The following C2orf81 variants were observed in gnomAD, a reference collection of about 807,000 sequenced individuals.
C2orf81 encodes the protein chromosome 2 open reading frame 81.
In C2orf81, 5 loss-of-function variants were observed where a neutral mutation model predicts 7.9. The observed-to-expected ratio is 0.63, with a 90% CI of 0.33 to 1.33. The LOEUF is 1.33. Among genes scored for constraint, C2orf81 ranks in the 40% most tolerant of loss-of-function variants. The pLI is 0.05. For synonymous variants in C2orf81, 346 were observed against 367.4 expected (o/e 0.94, Z 0.66); for missense variants, 781 against 830.4 (o/e 0.94, Z 0.73).
In C2orf81 at chr2:74,415,600, G is replaced by C. The variant is rs759254846; in HGVS notation, c.577C>G (p.Arg193Gly). The change falls in exon 3 of 3, where the codon CGG (arginine) becomes GGG (glycine). Residue 193 changes from arginine (R) to glycine (G), a missense_variant. Transcript: ENST00000684111. This position sits in a 1 kb window ranked among gnomAD's most constrained non-coding sequence, Gnocchi z 5.5. ...ATCCACGACCTTCCTAAAGGGATCCGGTCCACGCCCCCAGGGTCCTGGGGA... is the reference window on the plus strand; with the variant it reads ...ATCCACGACCTTCCTAAAGGGATCCCGTCCACGCCCCCAGGGTCCTGGGGA... ...AFPQDPGGVD[R>G]IPLGRSWMGR... 3.1e-5 allele frequency: 48 copies of C among 1,551,078 alleles called. No individual in the cohort carries two copies. The highest frequency in any genetic ancestry group is 4.1e-5 in the Non-Finnish European group (47 of 1,147,004).
chr2:74,415,803 T>A lies in C2orf81; in HGVS notation c.374A>T (p.Glu125Val), dbSNP rs2103831363. 1 of 1,551,608 alleles carries A rather than the reference T, an allele frequency of 6.4e-7. No individual in the cohort carries two copies. The highest frequency in any genetic ancestry group is 2.0e-5 in the Admixed American group (1 of 51,010). ...AEDPTWGEDE[E>V]PSACTTDSWA... ...GGAGTCCGTCGTGCATGCCGAAGGC[T>A]CCTCGTCCTCACCCCATGTGGGGTC... Residue 125 changes from glutamate to valine, a missense_variant, in exon 3 of 3, where the codon GAG becomes GTG. Glu to Val is a moderately radical substitution (Grantham distance 121). Transcript: ENST00000684111. This position sits in a 1 kb window ranked among gnomAD's most constrained non-coding sequence, Gnocchi z 5.5.
In C2orf81 at chr2:74,415,381, C is replaced by T; in HGVS notation, c.796G>A (p.Glu266Lys). The T allele has an allele frequency of 4.6e-6, 7 of 1,518,346 alleles. No individual in the cohort carries two copies. The highest frequency in any genetic ancestry group is 6.2e-6 in the Non-Finnish European group (7 of 1,127,146). The allele number at this position is 1,518,346 out of a possible 1,614,324, so 94.1% of individuals were successfully genotyped here. A position where few individuals can be genotyped will look rare whatever the true frequency, so the allele number is the denominator to read the frequency against. Residue 266 changes from glutamate to lysine, a missense_variant, in exon 3 of 3, where the codon GAG (glutamate) becomes AAG (lysine). By Grantham distance (56) the Glu-to-Lys change is moderately conservative. Transcript: ENST00000684111. This position sits in a 1 kb window ranked among gnomAD's most constrained non-coding sequence, Gnocchi z 5.5. ...LSASFQLSVEEAPADDADPSL... is the reference protein window; with the variant it reads ...LSASFQLSVEKAPADDADPSL... Reference sequence around the variant, plus strand: ...GGGTCGGCATCGTCGGCAGGCGCCTCCTCCACCGACAGTTGGAAGCTCGCG... The same window carrying T: ...GGGTCGGCATCGTCGGCAGGCGCCTTCTCCACCGACAGTTGGAAGCTCGCG...
Position 74,415,182 on chromosome 2 carries a change from A to G in C2orf81, c.995T>C (p.Leu332Ser). Residue 332 changes from leucine (L) to serine (S), a missense_variant, in exon 3 of 3, where the codon TTG (leucine) becomes TCG (serine). Transcript: ENST00000684111. The surrounding 1 kb of genome is among the most constrained non-coding windows in gnomAD (Gnocchi z 5.5). The stretch of plus-strand genomic sequence containing the variant: ...GCCGCCCACAGAGGGGTAGGACACC[A>G]ACACGCCCGAGGCGATGCAGGGCAC... Reference protein sequence around the residue: ...EGVPCIASGVLVSYPSVGGAT... With the variant: ...EGVPCIASGVSVSYPSVGGAT... 6.7e-7 allele frequency: 1 copy of G among 1,498,360 alleles called. No individual in the cohort carries two copies. Among genetic ancestry groups the G allele is most frequent in the South Asian group, 1.2e-5 (1 of 81,612 alleles). The allele number at this position is 1,498,360 out of a possible 1,614,324, so 92.8% of individuals were successfully genotyped here.
rs1364770301 is a variant in C2orf81 at position 74,415,065 on chromosome 2, G to A, written c.1112C>T (p.Ala371Val). 1.3e-6 allele frequency: 2 copies of A among 1,548,044 alleles called. No homozygotes were observed. The highest frequency in any genetic ancestry group is 2.5e-5 in the East Asian group (1 of 40,778). ...CGCAGGGTCCAGGCGTTTCACGGCC[G>A]CCTTGCGGCGCATCCTGTGGTGGTG... is the stretch of plus-strand genomic sequence containing the variant. ...SAHHHRMRRKAAVKRLDPARL... is the reference protein window; with the variant it reads ...SAHHHRMRRKVAVKRLDPARL... Residue 371 changes from alanine to valine, a missense_variant, in exon 3 of 3, where the codon GCG becomes GTG. Physicochemically the swap from Ala to Val is moderately conservative, Grantham distance 64. Coordinates refer to ENST00000684111, the MANE Select transcript of C2orf81 (RefSeq NM_001316764.3). This position sits in a 1 kb window ranked among gnomAD's most constrained non-coding sequence, Gnocchi z 5.5.
chr2:74,418,462 A>G (rs1676525028), intron 1 of C2orf81: 2 of 1,427,226 alleles, frequency 1.4e-6, no homozygotes, highest in East Asian at 4.6e-5. Context: ...TCTAAGGACT[A>G]GTTGGAAAAG....
At chr2:74,421,472 C>T in intron 1 of C2orf81, 71 bp downstream of exon 1, 1 of 333,930 alleles carries the variant, frequency 3.0e-6, no homozygotes, top group Non-Finnish European at 5.5e-6. Context: ...CAGAGCCAGC[C>T]CACTGTTCCC....
intron 1 of C2orf81, chr2:74,417,404 T>C (rs1371684944): frequency 1.5e-6 from 2 of 1,309,378 alleles, no homozygotes; most frequent in Non-Finnish European, 2.0e-6. Flanking sequence ...TGACTGCATC[T>C]CCATCACTGC....
At chr2:74,419,500 T>C (rs534418602) in intron 1 of C2orf81, among the ~76,000 whole-genome samples, 4 of 152,244 alleles carry the variant, frequency 2.6e-5, no homozygotes, top group Admixed American at 2.6e-4. Context: ...ATACTCAGCA[T>C]TGGCAAAGGT....
In C2orf81 at chr2:74,415,531, G is replaced by C. The variant is rs1431350082; in HGVS notation, c.646C>G (p.Pro216Ala). 16 of 1,547,766 alleles carry C rather than the reference G, an allele frequency of 1.0e-5. No homozygotes were observed. The highest frequency in any genetic ancestry group is 2.0e-5 in the Admixed American group (1 of 50,952). The change falls in exon 3 of 3, where the codon CCG (proline) becomes GCG (alanine). Residue 216 changes from proline to alanine, a missense_variant. Transcript: ENST00000684111. The surrounding 1 kb of genome is among the most constrained non-coding windows in gnomAD (Gnocchi z 5.5). The part of the protein sequence containing the change: ...QEQMESWEPS[P>A]QLRVTSAPPP... The stretch of plus-strand genomic sequence containing the variant: ...GGGGCCGACGTGACTCTCAGCTGCG[G>C]AGAAGGCTCCCAAGATTCCATCTGC...
chr2:74,421,437 G>C (rs1374411702), intron 1 of C2orf81, 106 bp downstream of exon 1: 1 of 276,890 alleles, frequency 3.6e-6, no homozygotes, highest in Non-Finnish European at 6.8e-6. Flanking sequence ...CGGTGGGCGG[G>C]AGCAAGTAGG....
chr2:74,416,101 G>A lies in C2orf81; in HGVS notation c.159C>T (p.Leu53=). The change falls in exon 2 of 3, where the codon CTC becomes CTT. Residue 53 remains leucine (L), a synonymous_variant. Coordinates refer to ENST00000684111, the MANE Select transcript of C2orf81 (RefSeq NM_001316764.3). ...SEAEWMALTA[L]EEGEDVVGDI... ...CCCCTACGACGTCCTCGCCCTCCTCGAGGGCTGTAAGCGCCATCCACTCGG... is the reference window on the plus strand; with the variant it reads ...CCCCTACGACGTCCTCGCCCTCCTCAAGGGCTGTAAGCGCCATCCACTCGG... The A allele has an allele frequency of 5.2e-6, 8 of 1,542,010 alleles. No individual in the cohort carries two copies. The highest frequency in any genetic ancestry group is 7.0e-6 in the Non-Finnish European group (8 of 1,141,626).
intron 1 of C2orf81, chr2:74,417,695 C>A (rs1276397281): frequency 1.7e-6 from 1 of 592,634 alleles, no homozygotes; most frequent in South Asian, 1.8e-5. Flanking sequence ...GCTTGGGCCC[C>A]TTTTAAGACC....
At chr2:74,418,428 GCTCGACTCGCT>G (rs765218663) in intron 1 of C2orf81, 2 of 1,563,976 alleles carry the variant, frequency 1.3e-6, no homozygotes, top group Admixed American at 3.3e-5. Flanking sequence ...TGGACTTCGA[GCTCGACTCGCT>G]CATCTTCCCT....
intron 1 of C2orf81, among the ~76,000 whole-genome samples, chr2:74,419,657 G>A (rs1292034207): frequency 6.6e-6 from 1 of 152,142 alleles, no homozygotes; most frequent in African/African-American, 2.4e-5. Flanking sequence ...CAAATTCTCT[G>A]CGGTATTTTT....
At chr2:74,418,473 T>C in intron 1 of C2orf81, 3 of 1,381,694 alleles carry the variant, frequency 2.2e-6, no homozygotes, top group South Asian at 1.2e-5. Flanking sequence ...GTTGGAAAAG[T>C]GATGGCTGGG....
At chr2:74,419,627 G>A (rs778198347) in intron 1 of C2orf81, among the ~76,000 whole-genome samples, 15 of 152,112 alleles carry the variant, frequency 9.9e-5, no homozygotes, top group Non-Finnish European at 1.6e-4. Flanking sequence ...CTGAAATGAA[G>A]ATAAAAATAT....
In C2orf81 at chr2:74,418,845, T is replaced by C. The variant is rs375339136; in HGVS notation, c.19-2604A>G. Among the ~76,000 whole-genome samples the C allele has an allele frequency of 3.3e-5, 5 of 150,476 alleles. No homozygotes were observed. In the East Asian group the frequency reaches 5.8e-4, roughly 18 times the overall value. On this transcript the variant is annotated intron_variant, in intron 1 of 2. Transcript: ENST00000684111. The stretch of plus-strand genomic sequence containing the variant: ...CTCTCAAAGACATTTGCAACAAATA[T>C]GAAAAAAGATAAATATCCCCGAGTA...
Position 74,415,186 on chromosome 2 carries a change from C to G in C2orf81, c.991G>C (p.Val331Leu). The change falls in exon 3 of 3, where the codon GTG becomes CTG. Residue 331 changes from valine (V) to leucine (L), a missense_variant. By Grantham distance (32) the Val-to-Leu change is conservative. Coordinates refer to ENST00000684111, the MANE Select transcript of C2orf81 (RefSeq NM_001316764.3). The surrounding 1 kb of genome is among the most constrained non-coding windows in gnomAD (Gnocchi z 5.5). ...SEGVPCIASG[V>L]LVSYPSVGGA... ...CCCACAGAGGGGTAGGACACCAACACGCCCGAGGCGATGCAGGGCACCCCC... is the reference window on the plus strand; with the variant it reads ...CCCACAGAGGGGTAGGACACCAACAGGCCCGAGGCGATGCAGGGCACCCCC... 6.5e-7 allele frequency: 1 copy of G among 1,547,302 alleles called. No homozygotes were observed.
chr2:74,415,165 C>T lies in C2orf81; in HGVS notation c.1012G>A (p.Val338Met). The T allele has an allele frequency of 1.3e-6, 2 of 1,538,070 alleles. No homozygotes were observed. Among genetic ancestry groups the T allele is most frequent in the Non-Finnish European group, 1.8e-6 (2 of 1,140,564 alleles). Residue 338 changes from valine (V) to methionine (M), a missense_variant, in exon 3 of 3, where the codon GTG becomes ATG. By Grantham distance (21) the Val-to-Met change is conservative (BLOSUM62 1). Transcript: ENST00000684111. This position sits in a 1 kb window ranked among gnomAD's most constrained non-coding sequence, Gnocchi z 5.5. Reference protein sequence around the residue: ...ASGVLVSYPSVGGATRPSASC... With the variant: ...ASGVLVSYPSMGGATRPSASC... ...GCGGAGGGGCGGGTGGCGCCGCCCA[C>T]AGAGGGGTAGGACACCAACACGCCC...
Sources: gnomAD v4.1 joint callset for allele counts (sites outside exome capture counted in the v4.1 genomes callset) on GRCh38, gnomAD v4.1.1 for gene constraint, Gnocchi (gnomAD v3.1) non-coding constraint, MANE v1.5 for transcripts, NCBI Gene and HGNC (gene_info 2026-07-23, HGNC 2026-07-21) for gene names.